PSD3: variants seen among roughly 807,000 people sequenced by gnomAD.
PSD3 encodes pleckstrin and Sec7 domain containing 3.
Under a neutral mutation model 105.5 loss-of-function variants are expected in PSD3, and 49 were observed. That is an observed-to-expected ratio of 0.46 (90% CI 0.37 to 0.59). The LOEUF is 0.59. PSD3 is among the 20% of genes least tolerant of loss of function. PSD3 has a pLI of 0.00. For synonymous variants in PSD3, 557 were observed against 457.8 expected (o/e 1.22, Z -2.77); for missense variants, 1,561 against 1,263.8 (o/e 1.24, Z -3.57).
intron 1 of PSD3, among the ~76,000 whole-genome samples, chr8:18,997,185 C>T (rs1043636222): frequency 6.6e-6 from 1 of 151,898 alleles, no homozygotes; most frequent in African/African-American, 2.4e-5. Context: ...AACCCAGCCC[C>T]TTCCTCTGTA....
At chr8:18,546,937 T>C (rs763132617) in intron 15 of PSD3, among the ~76,000 whole-genome samples, 4 of 152,230 alleles carry the variant, frequency 2.6e-5, no homozygotes, top group Non-Finnish European at 5.9e-5. Context: ...TGCTGGCTTG[T>C]ACCTCCAGCT....
At chr8:19,066,289 A>T (rs1306002204) in intron 1 of PSD3, among the ~76,000 whole-genome samples, 2 of 152,250 alleles carry the variant, frequency 1.3e-5, no homozygotes, top group Non-Finnish European at 2.9e-5. Flanking sequence ...TACACAATCC[A>T]TCTCAGTTCT....
chr8:18,616,142 C>T (rs1805643717), intron 11 of PSD3, among the ~76,000 whole-genome samples: 2 of 152,252 alleles, frequency 1.3e-5, no homozygotes, highest in Admixed American at 1.3e-4. Flanking sequence ...CACTCACGCG[C>T]AGGAGCCAGA....
At chr8:18,952,803 A>G (rs1235562790) in intron 1 of PSD3, among the ~76,000 whole-genome samples, 3 of 152,204 alleles carry the variant, frequency 2.0e-5, no homozygotes, top group Non-Finnish European at 2.9e-5. Context: ...CAATTTGGAG[A>G]CATTTAGTTA....
intron 1 of PSD3, chr8:19,000,057 T>C (rs1029998907): frequency 4.0e-5 from 6 of 150,890 alleles, no homozygotes; most frequent in African/African-American, 1.2e-4. Flanking sequence ...ACAACTGATA[T>C]ACAAGCCACA....
chr8:18,580,596 C>T (rs1802751473), intron 12 of PSD3, among the ~76,000 whole-genome samples: 1 of 151,844 alleles, frequency 6.6e-6, no homozygotes, highest in Non-Finnish European at 1.5e-5. Context: ...CACAAACAAA[C>T]AAAAACCCCT....
intron 2 of PSD3, among the ~76,000 whole-genome samples, chr8:18,920,694 G>C (rs1274858354): frequency 6.6e-6 from 1 of 152,096 alleles, no homozygotes; most frequent in Non-Finnish European, 1.5e-5. Flanking sequence ...ATGTCCAACA[G>C]GACATTCGAG....
At chr8:18,604,436 C>G (rs116925468) in intron 11 of PSD3, among the ~76,000 whole-genome samples, 1,746 of 151,810 alleles carry the variant, frequency 0.012, 13 homozygotes, top group Middle Eastern at 0.058. Flanking sequence ...TTCTAACATC[C>G]TATGCTCATA....
chr8:18,763,798 G>A (rs966273765), intron 9 of PSD3, among the ~76,000 whole-genome samples: 1 of 152,054 alleles, frequency 6.6e-6, no homozygotes, highest in Admixed American at 6.6e-5. Flanking sequence ...AGCGGCTGGG[G>A]TTTGTTATGG....
At chr8:18,810,195 G>C (rs377357649) in intron 4 of PSD3, among the ~76,000 whole-genome samples, 1 of 152,080 alleles carries the variant, frequency 6.6e-6, no homozygotes. Context: ...AAATCTCATC[G>C]CTTTCACCTA....
chr8:18,723,268 G>A (rs141718580), intron 9 of PSD3, among the ~76,000 whole-genome samples: 52 of 152,246 alleles, frequency 3.4e-4, no homozygotes, highest in African/African-American at 9.9e-4. Flanking sequence ...CAATATTACT[G>A]TTATTGTTAC....
intron 8 of PSD3, among the ~76,000 whole-genome samples, chr8:18,767,131 G>A (rs925806733): frequency 1.3e-5 from 2 of 152,136 alleles, no homozygotes; most frequent in African/African-American, 2.4e-5. Flanking sequence ...CTCCCAGCAC[G>A]TCTCCAAGCT....
At chr8:19,073,815 G>T (rs1312462057) in intron 1 of PSD3, among the ~76,000 whole-genome samples, 1 of 147,966 alleles carries the variant, frequency 6.8e-6, no homozygotes. Context: ...TTTTGAGACA[G>T]AATCTCGCTC....
At chr8:18,702,185 A>C (rs1255388373) in intron 9 of PSD3, among the ~76,000 whole-genome samples, 3 of 152,214 alleles carry the variant, frequency 2.0e-5, no homozygotes, top group African/African-American at 7.2e-5. Context: ...TGTAACCGAC[A>C]GGTCTTTCTA....
chr8:19,072,290 T>G (rs1222815003), intron 1 of PSD3, among the ~76,000 whole-genome samples: 1 of 151,416 alleles, frequency 6.6e-6, no homozygotes, highest in Non-Finnish European at 1.5e-5. Flanking sequence ...TTTCACCATG[T>G]TTGTCAGGCT....
intron 1 of PSD3, among the ~76,000 whole-genome samples, chr8:19,001,308 C>T (rs1826374662): frequency 6.6e-6 from 1 of 151,388 alleles, no homozygotes; most frequent in African/African-American, 2.4e-5. Flanking sequence ...TTGCCCAGGC[C>T]CGTAGACTTT....
chr8:18,640,719 C>T (rs1309235791), intron 10 of PSD3, among the ~76,000 whole-genome samples: 6 of 152,140 alleles, frequency 3.9e-5, no homozygotes, highest in Non-Finnish European at 8.8e-5. Context: ...TGGACTAATA[C>T]ATCAGTAAGA....
chr8:18,561,077 C>G (rs1801369321), intron 14 of PSD3, among the ~76,000 whole-genome samples: 2 of 152,130 alleles, frequency 1.3e-5, no homozygotes, highest in African/African-American at 2.4e-5. Context: ...TCTAGCAATC[C>G]CACTTCTGAG....
intron 2 of PSD3, among the ~76,000 whole-genome samples, chr8:18,916,877 T>A (rs1354372306): frequency 6.6e-6 from 1 of 151,420 alleles, no homozygotes; most frequent in Non-Finnish European, 1.5e-5. Flanking sequence ...TTAATAAAGC[T>A]GAAGGAAATG....
Sources: gnomAD v4.1 joint callset for allele counts (sites outside exome capture counted in the v4.1 genomes callset) on GRCh38, gnomAD v4.1.1 for gene constraint, MANE v1.5 for transcripts, NCBI Gene and HGNC (gene_info 2026-07-23, HGNC 2026-07-21) for gene names.